Variants in AP3B1 observed in about 807,000 individuals in gnomAD.
The protein encoded by AP3B1 is AP-3 complex subunit beta-1.
Under a neutral mutation model 132.5 loss-of-function variants are expected in AP3B1, and 61 were observed. That is an observed-to-expected ratio of 0.46 (90% CI 0.37 to 0.57). AP3B1 has a LOEUF of 0.57. Ranked by LOEUF, AP3B1 falls within the 20% of genes least tolerant of loss-of-function variation. The probability of loss-of-function intolerance (pLI) is 0.00; values close to 1 mark genes in which losing one functional copy is unlikely to be tolerated. For missense variants in AP3B1, 1,120 were observed against 1,289.4 expected (o/e 0.87, Z 2.01); for synonymous variants, 388 against 438.3 (o/e 0.89, Z 1.43).
intron 1 of AP3B1, among the ~76,000 whole-genome samples, chr5:78,280,021 C>A: frequency 7.1e-6 from 1 of 140,212 alleles, no homozygotes; most frequent in South Asian, 2.2e-4. Context: ...TGCAGTGAGC[C>A]GAGATCGTGC....
intron 3 of AP3B1, among the ~76,000 whole-genome samples, chr5:78,235,112 C>A (rs140338189): frequency 4.6e-5 from 7 of 152,274 alleles, no homozygotes; most frequent in African/African-American, 1.7e-4. Context: ...ACTCCTGCCT[C>A]AGCCTCCCTG....
At chr5:78,134,387 T>G (rs923170251) in intron 15 of AP3B1, among the ~76,000 whole-genome samples, 58 of 152,270 alleles carry the variant, frequency 3.8e-4, no homozygotes, top group Admixed American at 3.5e-3. Context: ...TTCGGCATAG[T>G]AAAGATTTAT....
intron 1 of AP3B1, among the ~76,000 whole-genome samples, chr5:78,276,605 C>T (rs972356616): frequency 9.2e-5 from 14 of 152,062 alleles, no homozygotes; most frequent in African/African-American, 2.9e-4. Context: ...TGGTGGCATA[C>T]ACCTACAGTC....
At chr5:78,180,085 A>G (rs369365609) in intron 8 of AP3B1, among the ~76,000 whole-genome samples, 2 of 152,152 alleles carry the variant, frequency 1.3e-5, no homozygotes, top group East Asian at 1.9e-4. Context: ...CAGCTACCTA[A>G]CTAGCATCTG....
chr5:78,181,739 T>G, intron 7 of AP3B1, 77 bp from the exon 8 acceptor site: 1 of 1,306,938 alleles, frequency 7.7e-7, no homozygotes, highest in South Asian at 1.3e-5. Context: ...AAGAAAACTT[T>G]CCTTTAAACA....
At chr5:78,113,105 T>C (rs563538120) in intron 19 of AP3B1, among the ~76,000 whole-genome samples, 241 of 152,332 alleles carry the variant, frequency 1.6e-3, no homozygotes, top group African/African-American at 5.7e-3. Context: ...TGAGCCGGGC[T>C]GCAAGCTCAT....
chr5:78,068,187 G>A (rs1017864072), intron 22 of AP3B1, among the ~76,000 whole-genome samples: 2 of 152,160 alleles, frequency 1.3e-5, no homozygotes, highest in Non-Finnish European at 2.9e-5. Context: ...AGCTGGGCAT[G>A]GTGGCACATG....
chr5:78,053,412 C>T (rs756817462), intron 22 of AP3B1, among the ~76,000 whole-genome samples: 1 of 151,882 alleles, frequency 6.6e-6, no homozygotes, highest in African/African-American at 2.4e-5. Flanking sequence ...TCGGGTGCAG[C>T]GGCTCACGCC....
chr5:78,178,415 G>T (rs1016841834), intron 8 of AP3B1, among the ~76,000 whole-genome samples: 4 of 152,294 alleles, frequency 2.6e-5, no homozygotes, highest in African/African-American at 7.2e-5. Context: ...TTGCAGTCAG[G>T]TGTGAGAGCA....
At chr5:78,203,088 C>G (rs1483496357) in intron 7 of AP3B1, among the ~76,000 whole-genome samples, 1 of 152,166 alleles carries the variant, frequency 6.6e-6, no homozygotes, top group Admixed American at 6.5e-5. Flanking sequence ...TAATGAGAAA[C>G]TAGCTGTTGA....
chr5:78,229,773 T>G (rs886646342), intron 3 of AP3B1, among the ~76,000 whole-genome samples: 1 of 151,550 alleles, frequency 6.6e-6, no homozygotes, highest in Non-Finnish European at 1.5e-5. Context: ...AAAAAAAAAG[T>G]TATATACTCA....
At chr5:78,284,637 T>C (rs1749195353) in intron 1 of AP3B1, among the ~76,000 whole-genome samples, 1 of 152,184 alleles carries the variant, frequency 6.6e-6, no homozygotes, top group Admixed American at 6.5e-5. Flanking sequence ...TACACATACA[T>C]ACATATAAAT....
intron 22 of AP3B1, among the ~76,000 whole-genome samples, chr5:78,041,642 A>C (rs1748092252): frequency 6.6e-6 from 1 of 151,832 alleles, no homozygotes; most frequent in African/African-American, 2.4e-5. Context: ...CAATTAGCTA[A>C]ATTTAAAATT....
chr5:78,165,391 C>A lies in AP3B1; in HGVS notation c.1230+219G>T, dbSNP rs75847921. On this transcript the variant is annotated intron_variant, in intron 12 of 26. Transcript: ENST00000255194. ...AAAGACAGAGTTATAAACCAAAGTC[C>A]TTCAAAGTCTATGAAAATATGAAAG... 7.2e-3 allele frequency among the ~76,000 whole-genome samples: 1,101 copies of A among 152,216 alleles called. 10 individuals are homozygous for A. The highest frequency in any genetic ancestry group is 0.025 in the African/African-American group (1,051 of 41,530).
At chr5:78,091,004 C>T (rs1750486845) in intron 21 of AP3B1, among the ~76,000 whole-genome samples, 1 of 150,812 alleles carries the variant, frequency 6.6e-6, no homozygotes. Context: ...CCAGGCTGGT[C>T]GCTAACTCCT....
chr5:78,250,622 G>A (rs1365242179), intron 2 of AP3B1, among the ~76,000 whole-genome samples: 1 of 152,012 alleles, frequency 6.6e-6, no homozygotes, highest in African/African-American at 2.4e-5. Flanking sequence ...AAAAATAACA[G>A]GGCATATAAA....
At chr5:78,169,095 G>A (rs1334524558) in intron 11 of AP3B1, among the ~76,000 whole-genome samples, 1 of 151,968 alleles carries the variant, frequency 6.6e-6, no homozygotes, top group African/African-American at 2.4e-5. Context: ...GCGTGTATGG[G>A]CACATTTCTA....
chr5:78,205,776 C>T (rs982178623), intron 7 of AP3B1, among the ~76,000 whole-genome samples: 17 of 151,980 alleles, frequency 1.1e-4, no homozygotes, highest in African/African-American at 4.1e-4. Context: ...CCATGCTAGA[C>T]AAGTACATGA....
At chr5:78,011,035 ATC>A (rs199709727) in intron 26 of AP3B1, among the ~76,000 whole-genome samples, 20 of 144,286 alleles carry the variant, frequency 1.4e-4, no homozygotes, top group Non-Finnish European at 1.4e-4. Flanking sequence ...ATAATTCTGT[ATC>A]TCTCTTTTTT....
Sources: allele counts gnomAD v4.1 joint callset (sites outside exome capture counted in the v4.1 genomes callset), GRCh38; gene constraint gnomAD v4.1.1; transcripts MANE v1.5; gene names NCBI Gene and HGNC (gene_info 2026-07-23, HGNC 2026-07-21).